Variants in COLEC10 observed in about 807,000 individuals in gnomAD.
COLEC10 encodes the protein collectin subfamily member 10.
Under a neutral mutation model 28.4 loss-of-function variants are expected in COLEC10, and 22 were observed. The ratio of observed to expected loss-of-function variants is 0.78; its 90% CI spans 0.55 to 1.11. The LOEUF is 1.11. Among genes scored for constraint, COLEC10 ranks in the 50% least tolerant of loss-of-function variants. COLEC10 has a pLI of 0.00. For missense variants in COLEC10, 361 were observed against 344.1 expected (o/e 1.05, Z -0.39); for synonymous variants, 125 against 116.1 (o/e 1.08, Z -0.49).
At chr8:118,978,905 A>G in the COLEC10 span, among the ~76,000 whole-genome samples, 1 of 152,070 alleles carries the variant, frequency 6.6e-6, no homozygotes, top group African/African-American at 2.4e-5. Flanking sequence ...AAAACTATGA[A>G]TTTGGAAAAT....
At chr8:119,040,712 T>C (rs1317828179) in intron 2 of COLEC10, among the ~76,000 whole-genome samples, 2 of 152,130 alleles carry the variant, frequency 1.3e-5, no homozygotes, top group Non-Finnish European at 2.9e-5. Context: ...TACAGACAGA[T>C]GTGGGCAGGA....
chr8:118,995,846 T>C (rs1311097335), intron 1 of COLEC10, among the ~76,000 whole-genome samples: 1 of 147,082 alleles, frequency 6.8e-6, no homozygotes, highest in East Asian at 2.0e-4. Flanking sequence ...AACTTGGATA[T>C]AGGTAGCTCT....
chr8:119,046,789 C>T (rs2130167053), intron 2 of COLEC10, among the ~76,000 whole-genome samples: 1 of 152,250 alleles, frequency 6.6e-6, no homozygotes, highest in Middle Eastern at 3.4e-3. Context: ...TATCTGCTTG[C>T]ACACAAACAA....
At chr8:119,017,751 C>G (rs1814020221) in intron 2 of COLEC10, among the ~76,000 whole-genome samples, 1 of 152,276 alleles carries the variant, frequency 6.6e-6, no homozygotes, top group African/African-American at 2.4e-5. Context: ...CTTGAAGTCA[C>G]AAACCTCATG....
At chr8:118,971,074 G>A in the COLEC10 span, among the ~76,000 whole-genome samples, 36 of 151,982 alleles carry the variant, frequency 2.4e-4, no homozygotes, top group Admixed American at 7.2e-4. Context: ...CTGAATCTTC[G>A]CCAAGGAAGG....
At chr8:118,994,697 C>G (rs1242746758), upstream of COLEC10, among the ~76,000 whole-genome samples, 4 of 152,126 alleles carry the variant, frequency 2.6e-5, no homozygotes, top group Non-Finnish European at 1.5e-5. Flanking sequence ...GCCTCCTCAA[C>G]ACACACACAG....
chr8:119,090,327 G>T (rs1371884293), intron 2 of COLEC10, among the ~76,000 whole-genome samples: 1 of 152,126 alleles, frequency 6.6e-6, no homozygotes, highest in Non-Finnish European at 1.5e-5. Context: ...CACAAAGTTG[G>T]GAGTTGGCCT....
intron 1 of COLEC10, among the ~76,000 whole-genome samples, chr8:119,083,439 T>C (rs910683894): frequency 1.3e-5 from 2 of 152,142 alleles, no homozygotes; most frequent in African/African-American, 4.8e-5. Flanking sequence ...CTAAACCATA[T>C]GGATTGAGAA....
chr8:119,096,857 A>G (rs1225513046), intron 3 of COLEC10, among the ~76,000 whole-genome samples: 1 of 152,116 alleles, frequency 6.6e-6, no homozygotes, highest in East Asian at 1.9e-4. Flanking sequence ...AAATGGCTAA[A>G]ATAAAAATGA....
chr8:118,999,284 C>A (rs1412473919), intron 1 of COLEC10, among the ~76,000 whole-genome samples: 1 of 151,970 alleles, frequency 6.6e-6, no homozygotes, highest in Non-Finnish European at 1.5e-5. Flanking sequence ...GAGGACTAAG[C>A]CCTAGGATGT....
At chr8:119,078,169 C>G (rs575868035) in intron 1 of COLEC10, among the ~76,000 whole-genome samples, 2 of 152,192 alleles carry the variant, frequency 1.3e-5, no homozygotes, top group African/African-American at 2.4e-5. Flanking sequence ...TACATTTCAG[C>G]ATGAGATTTG....
At chr8:119,070,473 CTCT>C (rs753158968) in intron 1 of COLEC10, among the ~76,000 whole-genome samples, 93 of 129,906 alleles carry the variant, frequency 7.2e-4, no homozygotes, top group Non-Finnish European at 1.1e-3. Flanking sequence ...CTCTCTCTCT[CTCT>C]CCTTCCCCCT....
At chr8:119,019,748 G>C (rs979481744) in intron 2 of COLEC10, among the ~76,000 whole-genome samples, 2 of 152,070 alleles carry the variant, frequency 1.3e-5, no homozygotes, top group African/African-American at 4.8e-5. Flanking sequence ...CAATCCACTA[G>C]GGCAGGAATT....
At chr8:119,014,678 G>C (rs534279669) in intron 2 of COLEC10, among the ~76,000 whole-genome samples, 2 of 150,850 alleles carry the variant, frequency 1.3e-5, no homozygotes, top group African/African-American at 5.0e-5. Flanking sequence ...TATCCTTTGG[G>C]TATATCCATT....
the COLEC10 span, among the ~76,000 whole-genome samples, chr8:118,989,136 G>A: frequency 1.3e-5 from 2 of 152,150 alleles, no homozygotes; most frequent in South Asian, 2.1e-4. Flanking sequence ...GAGAACAGAT[G>A]AGTAATGTAA....
At chr8:118,952,845 A>G in the COLEC10 span, among the ~76,000 whole-genome samples, 14,369 of 152,232 alleles carry the variant, frequency 0.094, 851 homozygotes, top group African/African-American at 0.17. Flanking sequence ...TCCCTGGTCT[A>G]GAAGTTAGAC....
At chr8:119,009,946 C>A (rs1813875267) in intron 2 of COLEC10, among the ~76,000 whole-genome samples, 1 of 150,766 alleles carries the variant, frequency 6.6e-6, no homozygotes, top group Non-Finnish European at 1.5e-5. Context: ...GCCCCCACAT[C>A]CCATGCACAG....
the COLEC10 span, among the ~76,000 whole-genome samples, chr8:118,959,459 A>T: frequency 1.2e-3 from 190 of 152,268 alleles, no homozygotes; most frequent in African/African-American, 4.3e-3. Flanking sequence ...GAATAATAGT[A>T]TCCACCTCCT....
At chr8:118,993,396 C>T (rs1813537360), upstream of COLEC10, among the ~76,000 whole-genome samples, 2 of 151,988 alleles carry the variant, frequency 1.3e-5, no homozygotes, top group Admixed American at 6.6e-5. Context: ...CTCTTGTTGC[C>T]CAGGCTGGAG....
Sources: allele counts gnomAD v4.1 joint callset (sites outside exome capture counted in the v4.1 genomes callset), GRCh38; gene constraint gnomAD v4.1.1; transcripts MANE v1.5; gene names NCBI Gene and HGNC (gene_info 2026-07-23, HGNC 2026-07-21).